The following ERICH1 variants were observed in gnomAD, a reference collection of about 807,000 sequenced individuals.
ERICH1 encodes the protein glutamate-rich protein 1.
Under a neutral mutation model 39.6 loss-of-function variants are expected in ERICH1, and 56 were observed. The ratio of observed to expected loss-of-function variants is 1.41; its 90% confidence interval spans 1.14 to 1.77. The LOEUF is 1.77. ERICH1 is among the 40% of genes most tolerant of loss of function. The probability of loss-of-function intolerance (pLI) is 0.00; values close to 1 mark genes in which losing one functional copy is unlikely to be tolerated. For synonymous variants in ERICH1, 313 were observed against 223.6 expected, an observed-to-expected ratio of 1.40 and a Z score of -3.57; for missense variants, 826 against 575.4, an observed-to-expected ratio of 1.44 and a Z score of -4.45.
At chr8:622,223 G>A (rs1335138382) in intron 3 of ERICH1, among the ~76,000 whole-genome samples, 3 of 151,986 alleles carry the variant, frequency 2.0e-5, no homozygotes, top group African/African-American at 7.2e-5. Context: ...TTCTGTCTCA[G>A]AAAAATAAAA....
Position 673,365 on chromosome 8 carries a change from A to T in ERICH1, c.987T>A (p.Asp329Glu), listed in dbSNP as rs113798939. ...GTGCCTTTTCATTGGTAATTGTATCATCTTCCTCGCTGGCGTCTGCACCGT... is the reference window on the plus strand; with the variant it reads ...GTGCCTTTTCATTGGTAATTGTATCTTCTTCCTCGCTGGCGTCTGCACCGT... ...EEDGADASEE[D>E]DTITNEKAHS... Residue 329 changes from aspartate (D) to glutamate (E), a missense_variant, in exon 4 of 6, where the codon GAT (aspartate) becomes GAA (glutamate). Physicochemically the swap from Asp to Glu is conservative, Grantham distance 45. Transcript: ENST00000262109. The T allele has an allele frequency of 1.9e-6, 3 of 1,613,564 alleles. No homozygotes were observed. The highest frequency in any genetic ancestry group is 1.3e-5 in the African/African-American group (1 of 75,068).
intron 3 of ERICH1, among the ~76,000 whole-genome samples, chr8:652,269 G>A (rs1160521640): frequency 6.6e-6 from 1 of 152,246 alleles, no homozygotes; most frequent in Non-Finnish European, 1.5e-5. Flanking sequence ...ACGTGATGGA[G>A]GGAGAAGCTG....
intron 2 of ERICH1, among the ~76,000 whole-genome samples, chr8:697,430 T>C (rs1371519678): frequency 6.6e-6 from 1 of 152,158 alleles, no homozygotes; most frequent in African/African-American, 2.4e-5. Flanking sequence ...AACTCCGTCA[T>C]CCTGCTGCAT....
downstream of ERICH1, among the ~76,000 whole-genome samples, chr8:663,678 T>C (rs760655589): frequency 4.6e-5 from 7 of 152,054 alleles, no homozygotes; most frequent in Non-Finnish European, 7.4e-5. Flanking sequence ...AAATGAGCTG[T>C]ATGTATGTTT....
At chr8:708,304 C>T (rs1356516320) in intron 2 of ERICH1, among the ~76,000 whole-genome samples, 2 of 152,090 alleles carry the variant, frequency 1.3e-5, no homozygotes, top group East Asian at 1.9e-4. Context: ...TCAAGAGAAT[C>T]GAAAACATAC....
chr8:636,084 C>T lies in ERICH1; in HGVS notation c.977-20800G>A, dbSNP rs186632543. On this transcript the variant is annotated intron_variant, in intron 3 of 3. Coordinates refer to the ERICH1 transcript ENST00000522706. Reference sequence around the variant, plus strand: ...CTCTCAGAGAGGCAAAAGCTGGGATCCTGTTAATAGCATTCTCTGTGGAAA... The same window carrying T: ...CTCTCAGAGAGGCAAAAGCTGGGATTCTGTTAATAGCATTCTCTGTGGAAA... 3.2e-4 allele frequency among the ~76,000 whole-genome samples: 48 copies of T among 152,366 alleles called. 1 individual carries two copies. Among genetic ancestry groups the T allele is most frequent in the Middle Eastern group, 6.8e-3 (2 of 294 alleles).
At chr8:730,861 T>C (rs987246744) in intron 1 of ERICH1, among the ~76,000 whole-genome samples, 11 of 152,162 alleles carry the variant, frequency 7.2e-5, no homozygotes, top group Admixed American at 3.3e-4. Context: ...CACGAATCCC[T>C]GGCTGGGCTC....
intron 2 of ERICH1, among the ~76,000 whole-genome samples, chr8:699,874 G>C (rs867248938): frequency 0.021 from 620 of 29,906 alleles, 8 homozygotes; most frequent in East Asian, 0.031. Context: ...GACCCTCACA[G>C]GCGCACAGAT....
At chr8:619,999 G>C (rs1298857547) in intron 3 of ERICH1, among the ~76,000 whole-genome samples, 2 of 152,142 alleles carry the variant, frequency 1.3e-5, no homozygotes, top group Non-Finnish European at 1.5e-5. Flanking sequence ...AGAAAATGGA[G>C]GAATAATAAG....
intron 1 of ERICH1, among the ~76,000 whole-genome samples, chr8:716,715 T>C (rs918612388): frequency 6.6e-6 from 1 of 152,130 alleles, no homozygotes; most frequent in Non-Finnish European, 1.5e-5. Flanking sequence ...TAACCAAAAG[T>C]CGCACAGTGG....
chr8:717,065 A>G (rs1816180120), intron 1 of ERICH1, among the ~76,000 whole-genome samples: 1 of 152,218 alleles, frequency 6.6e-6, no homozygotes, highest in African/African-American at 2.4e-5. Flanking sequence ...CACAGAGCTC[A>G]GTGGGAGTGA....
At chr8:703,442 G>T (rs11994306) in intron 2 of ERICH1, among the ~76,000 whole-genome samples, 1 of 152,020 alleles carries the variant, frequency 6.6e-6, no homozygotes, top group Admixed American at 6.5e-5. Context: ...CAGAGGGGCC[G>T]CCAAGGAGCC....
At position 692,373 on chromosome 8, in the gene ERICH1, AC is replaced by A; in HGVS notation, c.304+104del. On this transcript the variant is annotated intron_variant, in intron 3 of 5. Transcript: ENST00000262109. ...ATACAGTGTAACAACATGCTCACCCACCCCCCAAGTATGAATTTAGATAAAG... is the reference window on the plus strand; with the variant it reads ...ATACAGTGTAACAACATGCTCACCCACCCCCAAGTATGAATTTAGATAAAG... 7 of 1,503,920 alleles carry A rather than the reference AC, an allele frequency of 4.7e-6. No homozygotes were observed. In the South Asian group the frequency reaches 6.4e-5, roughly 14 times the overall value. The allele number at this position is 1,503,920 out of a possible 1,614,324, so 93.2% of individuals were successfully genotyped here. A position where few individuals can be genotyped will look rare whatever the true frequency, so the allele number is the denominator to read the frequency against.
At chr8:672,240 G>A (rs1803595107) in intron 4 of ERICH1, 1 of 152,236 alleles carries the variant, frequency 6.6e-6, no homozygotes, top group African/African-American at 2.4e-5. Flanking sequence ...AGTTTACTGA[G>A]ATCTTTCTGA....
chr8:644,374 C>T (rs1350551032), intron 3 of ERICH1, among the ~76,000 whole-genome samples: 2 of 152,172 alleles, frequency 1.3e-5, no homozygotes, highest in Non-Finnish European at 2.9e-5. Context: ...TTGCTTGTGA[C>T]GCTGAAAAAT....
intron 3 of ERICH1, among the ~76,000 whole-genome samples, chr8:687,616 G>T (rs1247262866): frequency 6.6e-6 from 1 of 152,174 alleles, no homozygotes; most frequent in African/African-American, 2.4e-5. Context: ...GGGTCCCTGT[G>T]GAGCGCAGCA....
rs547395152 is a variant in ERICH1, at chr8:694,157, T to G, written c.170-1545A>C. On this transcript the variant is annotated intron_variant, in intron 2 of 5. Transcript: ENST00000262109. Reference sequence around the variant, plus strand: ...GAACAGAATGTAGCTGTAAAAACCTTGAAGCCTTTTCAGGTTCCACTGTAG... The same window carrying G: ...GAACAGAATGTAGCTGTAAAAACCTGGAAGCCTTTTCAGGTTCCACTGTAG... 1.1e-4 allele frequency among the ~76,000 whole-genome samples: 17 copies of G among 152,340 alleles called. No homozygotes were observed. In the South Asian group the frequency reaches 3.5e-3, roughly 32 times the overall value.
chr8:726,169 C>G (rs62484221), intron 1 of ERICH1, among the ~76,000 whole-genome samples: 2,083 of 152,276 alleles, frequency 0.014, 23 homozygotes, highest in Admixed American at 0.024. Context: ...GGGCCTCTTT[C>G]CAATGGAAAC....
At chr8:720,218 C>T (rs953353516) in intron 1 of ERICH1, among the ~76,000 whole-genome samples, 2 of 152,276 alleles carry the variant, frequency 1.3e-5, no homozygotes, top group Admixed American at 1.3e-4. Flanking sequence ...AAATGCAGGC[C>T]GCGCAGACAT....
Sources: allele counts gnomAD v4.1 joint callset (sites outside exome capture counted in the v4.1 genomes callset), GRCh38; gene constraint gnomAD v4.1.1; transcripts MANE v1.5; gene names NCBI Gene and HGNC (gene_info 2026-07-23, HGNC 2026-07-21).